TAP2: variants seen among roughly 807,000 people sequenced by gnomAD.
TAP2 encodes the protein antigen peptide transporter 2.
TAP2 carries 49 observed loss-of-function variants against 74.7 expected under a neutral mutation model. That is an observed-to-expected ratio of 0.66 (90% CI 0.52 to 0.83). The LOEUF is 0.83. Among genes scored for constraint, TAP2 ranks in the 40% least tolerant of loss-of-function variants. The probability of loss-of-function intolerance (pLI) is 0.00; values close to 1 mark genes in which losing one functional copy is unlikely to be tolerated. For synonymous variants in TAP2, 306 were observed against 368.4 expected, an observed-to-expected ratio of 0.83 and a Z score of 1.94; for missense variants, 739 against 859.0, an observed-to-expected ratio of 0.86 and a Z score of 1.75.
chr6:32,837,366 G>A (rs1285325582), intron 3 of TAP2, among the ~76,000 whole-genome samples, 171 bp downstream of exon 3: 5 of 152,158 alleles, frequency 3.3e-5, no homozygotes, highest in East Asian at 1.9e-4. Flanking sequence ...GAATATGAAC[G>A]AAGGAAGAAA....
chr6:32,822,246 C>T (rs766264803), downstream of TAP2: 6 of 1,440,128 alleles, frequency 4.2e-6, no homozygotes, highest in South Asian at 2.4e-5. Flanking sequence ...TCCACATATT[C>T]GTTCATTTGA....
downstream of TAP2, among the ~76,000 whole-genome samples, chr6:32,822,532 TTTTGTTTG>T (rs138505424): frequency 0.037 from 5,696 of 152,072 alleles, 294 homozygotes; most frequent in African/African-American, 0.12. Context: ...GCCATTTAAT[TTTTGTTTG>T]TTTGTTTGTT....
chr6:32,828,676 C>CCCCCA lies in TAP2; in HGVS notation c.*225_*229dup. On this transcript the variant is annotated 3_prime_UTR_variant, in exon 12 of 12. Transcript: ENST00000374897. ...AATTAAGTTTCCTGGACACAGACAG[C>CCCCCA]CCCCACCCCACCCCACCCCACCTCT... 6 of 802,756 alleles carry CCCCCA rather than the reference C, an allele frequency of 7.5e-6. No homozygotes were observed. The highest frequency in any genetic ancestry group is 8.8e-6 in the Non-Finnish European group (6 of 680,840). The allele number at this position is 802,756 out of a possible 1,614,324, so 49.7% of individuals were successfully genotyped here. A position where few individuals can be genotyped will look rare whatever the true frequency, so the allele number is the denominator to read the frequency against.
chr6:32,838,617 T>G (rs546463942), intron 1 of TAP2, 36 bp downstream of exon 1: 35 of 207,952 alleles, frequency 1.7e-4, no homozygotes, highest in Middle Eastern at 1.6e-3. Flanking sequence ...GCTGCGTCCC[T>G]GTTGGCGCTC....
chr6:32,830,467 G>A, intron 8 of TAP2, 27 bp from the exon 9 acceptor site: 1 of 1,603,204 alleles, frequency 6.2e-7, no homozygotes. Flanking sequence ...AGAGTTAAGG[G>A]CCTGCCCCTT....
intron 11 of TAP2, 115 bp from the exon 12 acceptor site, chr6:32,829,149 G>A: frequency 1.3e-6 from 2 of 1,504,018 alleles, no homozygotes; most frequent in South Asian, 2.4e-5. Context: ...AAGAAGGTAG[G>A]AAAGGGCAGT....
chr6:32,838,269 G>A, intron 1 of TAP2, 32 bp from the exon 2 acceptor site: 1 of 1,528,486 alleles, frequency 6.5e-7, no homozygotes, highest in Non-Finnish European at 8.7e-7. Context: ...GAAATCATGG[G>A]GGTGGAGTCC....
chr6:32,833,858 T>G (rs1769247153), intron 5 of TAP2, among the ~76,000 whole-genome samples: 1 of 152,194 alleles, frequency 6.6e-6, no homozygotes, highest in African/African-American at 2.4e-5. Context: ...CTTGTGATAT[T>G]GAATAAGTCT....
intron 5 of TAP2, among the ~76,000 whole-genome samples, chr6:32,833,308 T>G (rs1172882970): frequency 6.6e-6 from 1 of 152,080 alleles, no homozygotes; most frequent in Non-Finnish European, 1.5e-5. Flanking sequence ...TCAGACTTCA[T>G]CAGAATTTAA....
Position 32,829,004 on chromosome 6 carries a change from T to C in TAP2, c.1963A>G (p.Thr655Ala), listed in dbSNP as rs765631398. ...AGCCTGTGAGCAATCACCAGCACTG[T>C]GCGATCCCCACGGGAATTCCAGTCC... Reference protein sequence around the residue: ...LQDWNSRGDRTVLVIAHRLQT... With the variant: ...LQDWNSRGDRAVLVIAHRLQT... The change falls in exon 12 of 12, where the codon ACA (threonine) becomes GCA (alanine). Residue 655 changes from threonine to alanine, a missense_variant. Transcript: ENST00000374897. 6.4e-7 allele frequency: 1 copy of C among 1,551,706 alleles called. No individual in the cohort carries two copies.
In TAP2 at chr6:32,835,602, G is replaced by A; in HGVS notation, c.739+41C>T. 6.2e-7 allele frequency: 1 copy of A among 1,612,834 alleles called. No individual in the cohort carries two copies. Among genetic ancestry groups the A allele is most frequent in the Non-Finnish European group, 8.5e-7 (1 of 1,179,862 alleles). On this transcript the variant is annotated intron_variant, in intron 4 of 11. Transcript: ENST00000374897. The surrounding 1 kb of genome is among the most constrained non-coding windows in gnomAD (Gnocchi z 4.0). ...GGGTGGAAGGTCACTGAGGGGCAAG[G>A]GATGTCCATGGGAATCTCAGACCTG...
At position 32,837,832 on chromosome 6, in the gene TAP2, G is replaced by A; in HGVS notation, c.402C>T (p.Asn134=). The A allele has an allele frequency of 1.2e-6, 2 of 1,613,876 alleles. No individual in the cohort carries two copies. The highest frequency in any genetic ancestry group is 2.2e-5 in the South Asian group (2 of 91,074). The change falls in exon 2 of 12, where the codon AAC becomes AAT. Residue 134 remains asparagine, a synonymous_variant. Transcript: ENST00000374897. The stretch of plus-strand genomic sequence containing the variant: ...TCAGCAGCCTCCACATCAAGACTTT[G>A]TTGTTCACCTGGTCCTGCTCCTTCT... The part of the protein sequence containing the change: ...AQEKEQDQVN[N]KVLMWRLLKL...
At chr6:32,836,341 G>A (rs1390259308) in intron 3 of TAP2, among the ~76,000 whole-genome samples, 2 of 152,104 alleles carry the variant, frequency 1.3e-5, no homozygotes, top group Non-Finnish European at 2.9e-5. Context: ...ACATGCTACA[G>A]TAACACTTAG....
At chr6:32,837,428 A>G in intron 3 of TAP2, 109 bp downstream of exon 3, 1 of 837,558 alleles carries the variant, frequency 1.2e-6, no homozygotes, top group Non-Finnish European at 2.0e-6. Context: ...ATTTTAGTTT[A>G]AGTATTTTTG....
rs148353836 is a variant in TAP2, at chr6:32,832,466, A to G, written c.1144-5T>C. The stretch of plus-strand genomic sequence containing the variant: ...CTGCACCCCCAAGTGCAGCACCTGG[A>G]AGAGGAGAAGAAAGAGATGAGGCTG... On this transcript the variant is annotated splice_polypyrimidine_tract_variant and splice_region_variant and intron_variant, in intron 6 of 11. Transcript: ENST00000374897. This position sits in a 1 kb window ranked among gnomAD's most constrained non-coding sequence, Gnocchi z 5.9. The G allele has an allele frequency of 3.4e-3, 5,545 of 1,612,288 alleles. 63 individuals carry two copies. Among genetic ancestry groups the G allele is most frequent in the African/African-American group, 0.029 (2,155 of 75,000 alleles).
chr6:32,822,898 T>G (rs548957595), downstream of TAP2, among the ~76,000 whole-genome samples: 2 of 150,830 alleles, frequency 1.3e-5, no homozygotes, highest in South Asian at 4.2e-4. Flanking sequence ...AGTAATATCT[T>G]CTATCTTCTG....
rs772873882 is a variant in TAP2, at chr6:32,830,651, T to C, written c.1428A>G (p.Ala476=). 1.3e-5 allele frequency: 21 copies of C among 1,612,972 alleles called. No homozygotes were observed. Among genetic ancestry groups the C allele is most frequent in the Non-Finnish European group, 1.8e-5 (21 of 1,180,036 alleles). ...CAGGCCTGTCAGGGCGATTGGGATA[T>C]GCAAAGGAGACGTCTTGGAATTTCA... The part of the protein sequence containing the change: ...GVVKFQDVSF[A]YPNRPDRPVL... Residue 476 remains alanine, a synonymous_variant, in exon 8 of 12, where the codon GCA becomes GCG. Coordinates refer to ENST00000374897, the MANE Select transcript of TAP2 (RefSeq NM_001290043.2).
rs759723181 is a variant in TAP2 at position 32,829,479 on chromosome 6, G to T, written c.1853C>A (p.Ala618Asp). The T allele has an allele frequency of 1.1e-5, 18 of 1,613,952 alleles. No individual in the cohort carries two copies. The highest frequency in any genetic ancestry group is 1.4e-5 in the Non-Finnish European group (16 of 1,180,004). Residue 618 changes from alanine (A) to aspartate (D), a missense_variant, in exon 11 of 12, where the codon GCC becomes GAC. Physicochemically the swap from Ala to Asp is moderately radical, Grantham distance 126 (BLOSUM62 -2). Coordinates refer to ENST00000374897, the MANE Select transcript of TAP2 (RefSeq NM_001290043.2). ...AAGQKQRLAI[A>D]RALVRDPRVL... Reference sequence around the variant, plus strand: ...CCGCGGGTCTCGTACAAGGGCCCGGGCAATGGCCAGACGTTGTTTCTGTCC... The same window carrying T: ...CCGCGGGTCTCGTACAAGGGCCCGGTCAATGGCCAGACGTTGTTTCTGTCC...
At chr6:32,836,316 CCTCT>C (rs1317371650) in intron 3 of TAP2, among the ~76,000 whole-genome samples, 23 of 152,104 alleles carry the variant, frequency 1.5e-4, no homozygotes, top group Admixed American at 7.9e-4. Flanking sequence ...TTGGAAAATC[CCTCT>C]TAGACCAACT....
Sources: allele counts gnomAD v4.1 joint callset (sites outside exome capture counted in the v4.1 genomes callset), GRCh38; gene constraint gnomAD v4.1.1; non-coding constraint Gnocchi (gnomAD v3.1); transcripts MANE v1.5; gene names NCBI Gene and HGNC (gene_info 2026-07-23, HGNC 2026-07-21).